The following STX7 variants were observed in gnomAD, a reference collection of about 807,000 sequenced individuals.
The protein encoded by STX7 is syntaxin 7, also known as syntaxin-7.
A neutral mutation model predicts 39.6 loss-of-function variants in STX7; 34 were observed. The observed-to-expected ratio is 0.86, with a 90% confidence interval of 0.65 to 1.14. STX7 has a LOEUF of 1.14. Ranked by LOEUF, STX7 falls within the 50% of genes most tolerant of loss-of-function variation. The pLI is 0.00. For missense variants in STX7, 284 were observed against 310.4 expected, an observed-to-expected ratio of 0.92 and a Z score of 0.64; for synonymous variants, 119 against 99.1, an observed-to-expected ratio of 1.20 and a Z score of -1.19.
chr6:132,487,010 T>A lies in STX7; in HGVS notation c.86-11348A>T, dbSNP rs1260653536. 3.3e-5 allele frequency among the ~76,000 whole-genome samples: 5 copies of A among 152,332 alleles called. No homozygotes were observed. In the South Asian group the frequency reaches 8.3e-4, roughly 25 times the overall value. ...TTACTGTCTTTATCTGGTTTCAATA[T>A]AAGGATTATGCTGACCTGCTAAAAC... On this transcript the variant is annotated intron_variant, in intron 2 of 9. Transcript: ENST00000367941.
intron 1 of STX7, among the ~76,000 whole-genome samples, chr6:132,509,761 T>C (rs1775802193): frequency 1.3e-5 from 2 of 152,172 alleles, no homozygotes; most frequent in African/African-American, 2.4e-5. Context: ...CAAATGGTTG[T>C]CTTTAAAAAA....
intron 3 of STX7, 113 bp from the exon 4 acceptor site, chr6:132,472,488 A>C (rs760953620): frequency 1.1e-4 from 72 of 678,112 alleles, no homozygotes; most frequent in Non-Finnish European, 1.3e-4. Flanking sequence ...GCCTTTTCAT[A>C]AACTGGCTCT....
At chr6:132,482,781 G>C (rs1444482097) in intron 2 of STX7, among the ~76,000 whole-genome samples, 2 of 152,124 alleles carry the variant, frequency 1.3e-5, no homozygotes, top group East Asian at 3.9e-4. Flanking sequence ...AGCTGAAAGT[G>C]ATCAAGGAAG....
At chr6:132,469,764 G>A (rs1774663197) in intron 7 of STX7, among the ~76,000 whole-genome samples, 187 bp downstream of exon 7, 1 of 152,152 alleles carries the variant, frequency 6.6e-6, no homozygotes, top group Admixed American at 6.5e-5. Context: ...GCTTGAAGCT[G>A]GGAGGCGGAG....
chr6:132,503,428 AT>A lies in STX7; in HGVS notation c.85+17del, dbSNP rs890149829. On this transcript the variant is annotated intron_variant, in intron 2 of 9. Coordinates refer to ENST00000367941, the MANE Select transcript of STX7 (RefSeq NM_003569.3). The stretch of plus-strand genomic sequence containing the variant: ...AGAGTGGATACAAATAGTGAAGTCC[AT>A]TTAAAACTCAACTCACAACACTGTG... 2 of 1,607,798 alleles carry A rather than the reference AT, an allele frequency of 1.2e-6. No individual in the cohort carries two copies. Among genetic ancestry groups the A allele is most frequent in the African/African-American group, 2.7e-5 (2 of 74,878 alleles).
rs1472524034 is a variant in STX7 at position 132,456,359 on chromosome 6, CTTCTT to C, written c.*4394_*4398del. The C allele has an allele frequency of 6.6e-6, 1 of 152,154 alleles. No individual in the cohort carries two copies. Among genetic ancestry groups the C allele is most frequent in the Non-Finnish European group, 1.5e-5 (1 of 68,042 alleles). 9.4% of individuals were successfully genotyped at this position (152,154 alleles called of 1,614,324 possible). A position where few individuals can be genotyped will look rare whatever the true frequency, so the allele number is the denominator to read the frequency against. ...TCATTCCTTTCACACAGCTATTTCC[CTTCTT>C]TTAACACACCAAGTTCTTTTTATAT... is the stretch of plus-strand genomic sequence containing the variant. On this transcript the variant is annotated 3_prime_UTR_variant, in exon 10 of 10. Coordinates refer to ENST00000367941, the MANE Select transcript of STX7 (RefSeq NM_003569.3).
Position 132,458,717 on chromosome 6 carries a change from A to G in STX7, c.*2041T>C, listed in dbSNP as rs1320023891. ...GTTTCTTATTTAATTTTCTCTAATC[A>G]ATACTACTCTTACGTTCCAAATATT... On this transcript the variant is annotated 3_prime_UTR_variant, in exon 10 of 10. Transcript: ENST00000367941. The G allele has an allele frequency of 1.3e-5, 2 of 152,212 alleles. No individual in the cohort carries two copies. Among genetic ancestry groups the G allele is most frequent in the East Asian group, 3.8e-4 (2 of 5,200 alleles). 9.4% of individuals were successfully genotyped at this position (152,212 alleles called of 1,614,324 possible). A position where few individuals can be genotyped will look rare whatever the true frequency, so the allele number is the denominator to read the frequency against.
In STX7 at chr6:132,448,472, TTGAG is replaced by T. The variant is rs912244086; in HGVS notation, c.*12282_*12285del. On this transcript the variant is annotated 3_prime_UTR_variant, in exon 10 of 10. Transcript: ENST00000367941. ...ATAATTTCACTGGGCACTCATTCTA[TTGAG>T]TTATTCTCTCAGTACCTTAATGATG... 1 of 152,198 alleles carries T rather than the reference TTGAG, an allele frequency of 6.6e-6. No individual in the cohort carries two copies. Among genetic ancestry groups the T allele is most frequent in the Non-Finnish European group, 1.5e-5 (1 of 68,028 alleles). 9.4% of individuals were successfully genotyped at this position (152,198 alleles called of 1,614,324 possible).
chr6:132,476,180 G>A (rs1484493342), intron 2 of STX7, among the ~76,000 whole-genome samples: 1 of 152,114 alleles, frequency 6.6e-6, no homozygotes, highest in African/African-American at 2.4e-5. Context: ...CCACCACACA[G>A]ATGACATTAA....
At chr6:132,500,143 C>T (rs916567954) in intron 2 of STX7, among the ~76,000 whole-genome samples, 1 of 152,282 alleles carries the variant, frequency 6.6e-6, no homozygotes, top group Non-Finnish European at 1.5e-5. Context: ...TACCTCCCTG[C>T]TATTCCCTCA....
rs1307445408 is a variant in STX7 at position 132,470,575 on chromosome 6, T to C, written c.439A>G (p.Ser147Gly). ...SKERNLVSWE[S>G]QTQPQVQVQD... is the part of the protein sequence containing the mutation. Reference sequence around the variant, plus strand: ...TGTAAAATGTTTTGTATTTCTTACCTTTCCCAGGATACAAGATTCCTTTCT... The same window carrying C: ...TGTAAAATGTTTTGTATTTCTTACCCTTCCCAGGATACAAGATTCCTTTCT... Residue 147 changes from serine (S) to glycine (G), a missense_variant and splice_region_variant, in exon 6 of 10, where the codon AGC becomes GGC. Physicochemically the swap from Ser to Gly is moderately conservative, Grantham distance 56. Transcript: ENST00000367941. 1 of 1,604,004 alleles carries C rather than the reference T, an allele frequency of 6.2e-7. No individual in the cohort carries two copies. Among genetic ancestry groups the C allele is most frequent in the Non-Finnish European group, 8.5e-7 (1 of 1,173,438 alleles).
intron 8 of STX7, 71 bp downstream of exon 8, chr6:132,468,332 T>C: frequency 8.3e-7 from 1 of 1,210,512 alleles, no homozygotes; most frequent in Non-Finnish European, 1.2e-6. Flanking sequence ...TACTCTTCTG[T>C]GAGAAAGTTA....
chr6:132,483,723 T>G (rs565750864), intron 2 of STX7, among the ~76,000 whole-genome samples: 1 of 152,182 alleles, frequency 6.6e-6, no homozygotes, highest in Non-Finnish European at 1.5e-5. Flanking sequence ...AAGGTATGGA[T>G]AGTAGGATAT....
At chr6:132,510,514 C>T (rs930868487) in intron 1 of STX7, among the ~76,000 whole-genome samples, 1 of 152,160 alleles carries the variant, frequency 6.6e-6, no homozygotes, top group African/African-American at 2.4e-5. Context: ...TATTGTGTAT[C>T]ACTTAAATTA....
intron 2 of STX7, among the ~76,000 whole-genome samples, chr6:132,482,603 T>C (rs1453388908): frequency 6.6e-6 from 1 of 152,206 alleles, no homozygotes; most frequent in Non-Finnish European, 1.5e-5. Flanking sequence ...TTAAAACACA[T>C]TATTTCATAA....
chr6:132,462,238 C>T (rs1774425615), intron 9 of STX7, among the ~76,000 whole-genome samples: 1 of 152,196 alleles, frequency 6.6e-6, no homozygotes, highest in South Asian at 2.1e-4. Context: ...CTTCCTTATT[C>T]TTAGGGTTCA....
chr6:132,511,503 C>G (rs369040026), intron 1 of STX7, among the ~76,000 whole-genome samples: 2 of 152,218 alleles, frequency 1.3e-5, no homozygotes, highest in African/African-American at 2.4e-5. Flanking sequence ...TTATTTATCC[C>G]TACACCTCTG....
Position 132,462,499 on chromosome 6 carries a change from A to T in STX7, c.693+1494T>A, listed in dbSNP as rs551479112. ...AAATCCAAAAGCAAAATAAAATACC[A>T]TGTGAACCTAGTCACTGATGGATCC... On this transcript the variant is annotated intron_variant, in intron 9 of 9. Coordinates refer to ENST00000367941, the MANE Select transcript of STX7 (RefSeq NM_003569.3). Among the ~76,000 whole-genome samples the T allele has an allele frequency of 8.6e-5, 13 of 151,846 alleles. No individual in the cohort carries two copies. In the East Asian group the frequency reaches 2.3e-3, roughly 27 times the overall value.
intron 2 of STX7, among the ~76,000 whole-genome samples, chr6:132,488,309 T>G (rs1298264252): frequency 6.6e-6 from 1 of 152,188 alleles, no homozygotes; most frequent in Admixed American, 6.5e-5. Flanking sequence ...AGGAATAGAG[T>G]CTATCTTAAT....
Sources: gnomAD v4.1 joint callset for allele counts (sites outside exome capture counted in the v4.1 genomes callset) on GRCh38, gnomAD v4.1.1 for gene constraint, MANE v1.5 for transcripts, NCBI Gene and HGNC (gene_info 2026-07-23, HGNC 2026-07-21) for gene names.